NRG3: variants seen among roughly 807,000 people sequenced by gnomAD.
NRG3 encodes the protein pro-neuregulin-3, membrane-bound isoform.
In NRG3, 31 loss-of-function variants were observed where a neutral mutation model predicts 66.9. The observed-to-expected ratio is 0.46, with a 90% CI of 0.35 to 0.63. The LOEUF (loss-of-function observed/expected upper bound fraction) is 0.63, where lower values mean the gene tolerates loss of function less well. Among genes scored for constraint, NRG3 ranks in the 20% least tolerant of loss-of-function variants. The pLI, the probability that NRG3 is intolerant of heterozygous loss-of-function variation, is 0.00. For synonymous variants in NRG3, 393 were observed against 359.4 expected (o/e 1.09, Z -1.06); for missense variants, 910 against 878.9 (o/e 1.04, Z -0.45).
intron 2 of NRG3, among the ~76,000 whole-genome samples, chr10:82,413,482 A>G (rs779383978): frequency 2.6e-5 from 4 of 152,172 alleles, no homozygotes; most frequent in Non-Finnish European, 5.9e-5. Flanking sequence ...TAGATTTAAC[A>G]TAATTCTTAA....
At chr10:82,102,141 T>TTC (rs2066790946) in intron 1 of NRG3, among the ~76,000 whole-genome samples, 3 of 39,266 alleles carry the variant, frequency 7.6e-5, no homozygotes, top group Non-Finnish European at 2.3e-4. Flanking sequence ...TTCATATATA[T>TTC]ATATATATAT....
chr10:82,778,212 C>G (rs576866124), intron 3 of NRG3, among the ~76,000 whole-genome samples: 43 of 152,214 alleles, frequency 2.8e-4, no homozygotes, highest in African/African-American at 8.2e-4. Flanking sequence ...GCTGCATGGG[C>G]TTGGATGATG....
At chr10:81,961,725 A>G (rs1298174305) in intron 1 of NRG3, among the ~76,000 whole-genome samples, 1 of 152,266 alleles carries the variant, frequency 6.6e-6, no homozygotes, top group African/African-American at 2.4e-5. Flanking sequence ...GGTCTGTGAT[A>G]AAATTTGATA....
chr10:82,351,117 A>G (rs933018652), intron 1 of NRG3, among the ~76,000 whole-genome samples: 2 of 151,992 alleles, frequency 1.3e-5, no homozygotes, highest in African/African-American at 4.8e-5. Context: ...GATGGTCTTG[A>G]TCTCCTGACC....
intron 3 of NRG3, among the ~76,000 whole-genome samples, chr10:82,798,814 T>C (rs140133066): frequency 2.0e-5 from 3 of 152,292 alleles, no homozygotes; most frequent in Non-Finnish European, 2.9e-5. Context: ...TTTTAATGCA[T>C]TTTGTAATCT....
chr10:82,223,678 C>CACACACAT (rs1403864303), intron 1 of NRG3, among the ~76,000 whole-genome samples: 30 of 135,474 alleles, frequency 2.2e-4, no homozygotes, highest in African/African-American at 8.4e-4. Context: ...CACACACACA[C>CACACACAT]ACACATACAC....
intron 1 of NRG3, among the ~76,000 whole-genome samples, chr10:81,945,993 C>T (rs899823290): frequency 2.0e-5 from 3 of 152,114 alleles, no homozygotes; most frequent in Non-Finnish European, 4.4e-5. Flanking sequence ...ACGAACCTCT[C>T]AGAAAGAACC....
intron 2 of NRG3, among the ~76,000 whole-genome samples, chr10:82,662,978 AG>A (rs765594803): frequency 1.3e-5 from 2 of 152,196 alleles, no homozygotes; most frequent in Non-Finnish European, 2.9e-5. Flanking sequence ...TGGGGTAAAA[AG>A]AGCCTTTCTT....
intron 1 of NRG3, among the ~76,000 whole-genome samples, chr10:82,209,892 C>A (rs576387360): frequency 4.5e-4 from 68 of 152,172 alleles, no homozygotes; most frequent in African/African-American, 1.5e-3. Context: ...TCGTGTGAAG[C>A]ATGTGGCTTT....
chr10:82,050,872 G>A (rs775452265), intron 1 of NRG3, among the ~76,000 whole-genome samples: 2 of 126,842 alleles, frequency 1.6e-5, no homozygotes, highest in South Asian at 5.8e-4. Flanking sequence ...CTTTACCCTG[G>A]TCATTTCTTT....
intron 3 of NRG3, among the ~76,000 whole-genome samples, chr10:82,765,624 A>G (rs2059485895): frequency 6.6e-6 from 1 of 152,222 alleles, no homozygotes; most frequent in South Asian, 2.1e-4. Context: ...GAAAAAAGCC[A>G]TAACAAACAA....
chr10:82,071,525 G>T (rs1035303733), intron 1 of NRG3, among the ~76,000 whole-genome samples: 5 of 152,186 alleles, frequency 3.3e-5, no homozygotes, highest in Non-Finnish European at 5.9e-5. Context: ...CATGCTGGAT[G>T]TGTTTGAATA....
chr10:82,089,889 C>G lies in NRG3; in HGVS notation c.823+213726C>G, dbSNP rs116603330. Among the ~76,000 whole-genome samples, 655 of 152,276 alleles carry G rather than the reference C, an allele frequency of 4.3e-3. 7 individuals are homozygous for G. Among genetic ancestry groups the G allele is most frequent in the African/African-American group, 0.015 (626 of 41,564 alleles). ...CATTACACTTATGAAATTGGTCTAGCCTTCTAGGCTCCTGCCCCAGTGAGG... is the reference window on the plus strand; with the variant it reads ...CATTACACTTATGAAATTGGTCTAGGCTTCTAGGCTCCTGCCCCAGTGAGG... On this transcript the variant is annotated intron_variant, in intron 1 of 8. Coordinates refer to ENST00000372141, the MANE Select transcript of NRG3 (RefSeq NM_001010848.4).
At chr10:82,805,892 G>A (rs904999422) in intron 3 of NRG3, among the ~76,000 whole-genome samples, 1 of 152,108 alleles carries the variant, frequency 6.6e-6, no homozygotes, top group Admixed American at 6.6e-5. Context: ...AGACTTCTTA[G>A]TTTGGATCAG....
At chr10:82,602,273 T>A (rs2047684485) in intron 2 of NRG3, among the ~76,000 whole-genome samples, 1 of 152,124 alleles carries the variant, frequency 6.6e-6, no homozygotes, top group Non-Finnish European at 1.5e-5. Flanking sequence ...GTAATGATTC[T>A]ATGCCTGCAT....
chr10:82,016,131 A>G (rs2061777131), intron 1 of NRG3, among the ~76,000 whole-genome samples: 1 of 151,896 alleles, frequency 6.6e-6, no homozygotes, highest in African/African-American at 2.4e-5. Flanking sequence ...CTCAGTGTAT[A>G]AAATATGTGG....
chr10:82,217,864 A>G (rs1474689745), intron 1 of NRG3, among the ~76,000 whole-genome samples: 2 of 152,202 alleles, frequency 1.3e-5, no homozygotes, highest in East Asian at 1.9e-4. Flanking sequence ...TAATATTTGT[A>G]TTAGTTTTGT....
chr10:82,452,825 A>G (rs1365399424), intron 2 of NRG3, among the ~76,000 whole-genome samples: 1 of 152,180 alleles, frequency 6.6e-6, no homozygotes, highest in Non-Finnish European at 1.5e-5. Flanking sequence ...TATTTGCCCA[A>G]CATCCATTGA....
intron 1 of NRG3, among the ~76,000 whole-genome samples, chr10:82,187,958 G>A (rs76403662): frequency 2.7e-5 from 4 of 148,370 alleles, no homozygotes; most frequent in Non-Finnish European, 3.0e-5. Flanking sequence ...CACAGAAATA[G>A]AAAAAAAAAA....
Sources: allele counts gnomAD v4.1 joint callset (sites outside exome capture counted in the v4.1 genomes callset), GRCh38; gene constraint gnomAD v4.1.1; transcripts MANE v1.5; gene names NCBI Gene and HGNC (gene_info 2026-07-23, HGNC 2026-07-21).